NEURL1: variants seen among roughly 807,000 people sequenced by gnomAD.
NEURL1 encodes the protein neuralized E3 ubiquitin protein ligase 1.
A neutral mutation model predicts 41.2 loss-of-function variants in NEURL1; 26 were observed. That is an observed-to-expected ratio of 0.63 (90% CI 0.46 to 0.87). NEURL1 has a LOEUF of 0.87. Among genes scored for constraint, NEURL1 ranks in the 40% least tolerant of loss-of-function variants. NEURL1 has a pLI of 0.00. For synonymous variants in NEURL1, 400 were observed against 402.3 expected, an observed-to-expected ratio of 0.99 and a Z score of 0.07; for missense variants, 761 against 871.1, an observed-to-expected ratio of 0.87 and a Z score of 1.59.
intron 3 of NEURL1, among the ~76,000 whole-genome samples, chr10:103,581,321 T>C (rs1283010622): frequency 6.6e-6 from 1 of 152,194 alleles, no homozygotes; most frequent in Non-Finnish European, 1.5e-5. Context: ...CATGTGGCAT[T>C]TCACATGCCA....
At chr10:103,569,735 G>A (rs2035498010) in intron 1 of NEURL1, among the ~76,000 whole-genome samples, 1 of 152,150 alleles carries the variant, frequency 6.6e-6, no homozygotes, top group Non-Finnish European at 1.5e-5. Flanking sequence ...TTCCCGTCTT[G>A]TCTCCTTGGT....
At chr10:103,522,499 C>T (rs2034373929) in intron 1 of NEURL1, among the ~76,000 whole-genome samples, 1 of 150,814 alleles carries the variant, frequency 6.6e-6, no homozygotes, top group Non-Finnish European at 1.5e-5. Flanking sequence ...CCTGTAATCC[C>T]AGCTACTCGG....
At chr10:103,543,133 C>T (rs1210990774) in intron 1 of NEURL1, among the ~76,000 whole-genome samples, 1 of 152,184 alleles carries the variant, frequency 6.6e-6, no homozygotes, top group African/African-American at 2.4e-5. Flanking sequence ...GGGAGGGAGC[C>T]AGGCACAAGG....
intron 1 of NEURL1, among the ~76,000 whole-genome samples, chr10:103,530,274 G>GAT (rs1036671659): frequency 4.6e-5 from 7 of 151,392 alleles, no homozygotes; most frequent in African/African-American, 1.7e-4. Flanking sequence ...AGTGCCTTGA[G>GAT]ATACTTCACT....
intron 3 of NEURL1, 88 bp from the exon 4 acceptor site, chr10:103,584,448 C>G (rs1179026196): frequency 2.4e-6 from 2 of 826,694 alleles, no homozygotes; most frequent in African/African-American, 3.6e-5. Flanking sequence ...GGGATTGTAA[C>G]GGTGCGCGCG....
chr10:103,586,144 CTTTA>C (rs2035919471), intron 4 of NEURL1, among the ~76,000 whole-genome samples: 1 of 151,964 alleles, frequency 6.6e-6, no homozygotes, highest in Non-Finnish European at 1.5e-5. Context: ...GAGGAAGATT[CTTTA>C]TTGGAAGACT....
chr10:103,497,260 GA>G (rs2033707002), intron 1 of NEURL1, among the ~76,000 whole-genome samples: 1 of 152,228 alleles, frequency 6.6e-6, no homozygotes, highest in Non-Finnish European at 1.5e-5. Context: ...TGGTCAGCCA[GA>G]AGTTCATTCT....
Position 103,592,411 on chromosome 10 carries a change from C to G in NEURL1, c.*2039C>G, listed in dbSNP as rs1342217346. 1 of 152,658 alleles carries G rather than the reference C, an allele frequency of 6.6e-6. No homozygotes were observed. Among genetic ancestry groups the G allele is most frequent in the Non-Finnish European group, 1.5e-5 (1 of 68,112 alleles). The allele number at this position is 152,658 out of a possible 1,614,324, so 9.5% of individuals were successfully genotyped here. ...GAGCGGGGGCTGGCTAGCGGGCCCC[C>G]CAGCCAGGGATCCCAGAGGCTGAGG... On this transcript the variant is annotated 3_prime_UTR_variant, in exon 6 of 6. Coordinates refer to ENST00000369780, the MANE Select transcript of NEURL1 (RefSeq NM_004210.5). The surrounding 1 kb of genome is among the most constrained non-coding windows in gnomAD (Gnocchi z 4.8).
intron 1 of NEURL1, among the ~76,000 whole-genome samples, chr10:103,515,177 G>C (rs1313438462): frequency 7.1e-6 from 1 of 141,118 alleles, no homozygotes; most frequent in Non-Finnish European, 1.5e-5. Flanking sequence ...GCAGTGAGCT[G>C]AGATCACGCC....
At chr10:103,530,163 CT>C (rs2034540534) in intron 1 of NEURL1, among the ~76,000 whole-genome samples, 2 of 151,950 alleles carry the variant, frequency 1.3e-5, no homozygotes, top group Admixed American at 6.6e-5. Flanking sequence ...TTTTGTCAAT[CT>C]TTTGTGTTTT....
intron 1 of NEURL1, among the ~76,000 whole-genome samples, chr10:103,498,572 T>A (rs4918018): frequency 0.074 from 11,221 of 152,306 alleles, 676 homozygotes; most frequent in East Asian, 0.3. Context: ...TTTACCATTT[T>A]AAAATGTATA....
At chr10:103,509,716 C>A (rs2034028294) in intron 1 of NEURL1, among the ~76,000 whole-genome samples, 1 of 152,074 alleles carries the variant, frequency 6.6e-6, no homozygotes, top group South Asian at 2.1e-4. Context: ...AGATTCAGGA[C>A]TTTTTCTGAA....
rs1041973423 is a variant in NEURL1 at position 103,590,489 on chromosome 10, A to G, written c.*117A>G. Reference sequence around the variant, plus strand: ...TCATTTTGGAAACTTTTCCTCCTCTATTAAACATGGGAAACTGAAGCCCTT... The same window carrying G: ...TCATTTTGGAAACTTTTCCTCCTCTGTTAAACATGGGAAACTGAAGCCCTT... On this transcript the variant is annotated 3_prime_UTR_variant, in exon 6 of 6. Coordinates refer to ENST00000369780, the MANE Select transcript of NEURL1 (RefSeq NM_004210.5). 2.6e-5 allele frequency: 20 copies of G among 771,140 alleles called. No individual in the cohort carries two copies. Among genetic ancestry groups the G allele is most frequent in the Admixed American group, 1.6e-4 (7 of 43,434 alleles). 47.8% of individuals were successfully genotyped at this position (771,140 alleles called of 1,614,324 possible).
chr10:103,528,101 A>G (rs2034498588), intron 1 of NEURL1, among the ~76,000 whole-genome samples: 1 of 152,148 alleles, frequency 6.6e-6, no homozygotes, highest in Non-Finnish European at 1.5e-5. Context: ...CATGCCTGTA[A>G]TCCCAGTACT....
At chr10:103,527,222 C>G (rs1396595759) in intron 1 of NEURL1, among the ~76,000 whole-genome samples, 1 of 151,584 alleles carries the variant, frequency 6.6e-6, no homozygotes. Context: ...ATGCTATTGG[C>G]ACTTTCATTG....
chr10:103,530,824 G>A (rs543460451), intron 1 of NEURL1, among the ~76,000 whole-genome samples: 1 of 151,948 alleles, frequency 6.6e-6, no homozygotes, highest in Non-Finnish European at 1.5e-5. Flanking sequence ...TACAGGATGA[G>A]CCACCACACC....
rs144109218 is a variant in NEURL1, at chr10:103,586,598, C to T, written c.1339+1373C>T. On this transcript the variant is annotated intron_variant, in intron 4 of 5. Coordinates refer to ENST00000369780, the MANE Select transcript of NEURL1 (RefSeq NM_004210.5). ...TGAGGTAGTTACTCTATGAGATTGG[C>T]GTACTGTGTATAGGCACATGTGAGT... 2.4e-3 allele frequency among the ~76,000 whole-genome samples: 359 copies of T among 152,206 alleles called. 1 individual carries two copies. The highest frequency in any genetic ancestry group is 8.0e-3 in the African/African-American group (332 of 41,518).
At chr10:103,514,820 G>T (rs372585481) in intron 1 of NEURL1, among the ~76,000 whole-genome samples, 5 of 152,198 alleles carry the variant, frequency 3.3e-5, no homozygotes, top group Non-Finnish European at 4.4e-5. Flanking sequence ...CAGGGCCACC[G>T]ACAGGGGTGT....
chr10:103,541,403 G>A (rs555904760), intron 1 of NEURL1, among the ~76,000 whole-genome samples: 1 of 152,282 alleles, frequency 6.6e-6, no homozygotes, highest in South Asian at 2.1e-4. Flanking sequence ...AAGGAAGGAA[G>A]TTTGGTGGGA....
Sources: gnomAD v4.1 joint callset for allele counts (sites outside exome capture counted in the v4.1 genomes callset) on GRCh38, gnomAD v4.1.1 for gene constraint, Gnocchi (gnomAD v3.1) non-coding constraint, MANE v1.5 for transcripts, NCBI Gene and HGNC (gene_info 2026-07-23, HGNC 2026-07-21) for gene names.